The following GAB2 variants were observed in gnomAD, a reference collection of about 807,000 sequenced individuals.
The protein encoded by GAB2 is GRB2-associated-binding protein 2.
A neutral mutation model predicts 65.5 loss-of-function variants in GAB2; 26 were observed. The ratio of observed to expected loss-of-function variants is 0.40; its 90% CI spans 0.29 to 0.55. The LOEUF (loss-of-function observed/expected upper bound fraction) is 0.55, where lower values mean the gene tolerates loss of function less well. Ranked by LOEUF, GAB2 falls within the 20% of genes least tolerant of loss-of-function variation. The pLI is 0.53. For synonymous variants in GAB2, 321 were observed against 329.6 expected (o/e 0.97, Z 0.28); for missense variants, 884 against 875.8 (o/e 1.01, Z -0.12).
intron 1 of GAB2, among the ~76,000 whole-genome samples, chr11:78,332,943 T>C (rs1482701720): frequency 6.6e-6 from 1 of 152,154 alleles, no homozygotes; most frequent in East Asian, 1.9e-4. Flanking sequence ...GAGCCTAATT[T>C]TGCCAAATAT....
At chr11:78,389,438 CTGGG>C (rs1856806889) in intron 1 of GAB2, among the ~76,000 whole-genome samples, 1 of 152,018 alleles carries the variant, frequency 6.6e-6, no homozygotes, top group Non-Finnish European at 1.5e-5. Flanking sequence ...TCCCAAGTAG[CTGGG>C]ATTACAGGCA....
intron 1 of GAB2, among the ~76,000 whole-genome samples, chr11:78,332,773 G>T (rs546168736): frequency 1.3e-5 from 2 of 152,208 alleles, no homozygotes; most frequent in Non-Finnish European, 2.9e-5. Context: ...TAACTATTAA[G>T]AAGTGTTGTT....
chr11:78,354,904 T>C (rs192156785), intron 1 of GAB2, among the ~76,000 whole-genome samples: 3 of 152,324 alleles, frequency 2.0e-5, no homozygotes, highest in African/African-American at 7.2e-5. Flanking sequence ...TATACCATAA[T>C]GGAACACATG....
chr11:78,267,897 G>A lies in GAB2; in HGVS notation c.376+12704C>T, dbSNP rs1865911259. ...AAAAAAAAAAGAGTCTCTGAATAAA[G>A]GGAAGTCTTAAAATCTGATTACATT... On this transcript the variant is annotated intron_variant, in intron 2 of 9. Transcript: ENST00000361507. Among the ~76,000 whole-genome samples the A allele has an allele frequency of 8.2e-5, 11 of 133,526 alleles. 1 individual carries two copies. The South Asian group carries it at 2.9e-3, about 36-fold the overall frequency. 87.6% of individuals were successfully genotyped at this position (133,526 alleles called of 152,430 possible).
At chr11:78,317,140 G>C (rs1028104586) in intron 1 of GAB2, among the ~76,000 whole-genome samples, 4 of 152,196 alleles carry the variant, frequency 2.6e-5, no homozygotes, top group Non-Finnish European at 5.9e-5. Context: ...GCCACCGGAG[G>C]AATAGGGCAT....
chr11:78,304,575 C>A (rs1284417868), intron 1 of GAB2, among the ~76,000 whole-genome samples: 1 of 152,178 alleles, frequency 6.6e-6, no homozygotes, highest in Admixed American at 6.5e-5. Flanking sequence ...CTTAACCAGG[C>A]TCCTTATTGC....
At chr11:78,251,727 A>T (rs536775602) in intron 2 of GAB2, among the ~76,000 whole-genome samples, 1 of 149,772 alleles carries the variant, frequency 6.7e-6, no homozygotes, top group South Asian at 2.2e-4. Flanking sequence ...TTCTCTCCCA[A>T]ATCTTCCTGG....
At position 78,244,869 on chromosome 11, in the gene GAB2, C is replaced by T. The variant is rs185578223; in HGVS notation, c.620+5288G>A. On this transcript the variant is annotated intron_variant, in intron 3 of 9. Transcript: ENST00000361507. ...AAATTAGTACAGTCGTTATGGAAAA[C>T]AGTATGAAAGTTCCTCAAAAAACTA... Among the ~76,000 whole-genome samples, 7 of 152,192 alleles carry T rather than the reference C, an allele frequency of 4.6e-5. No homozygotes were observed. The East Asian group carries it at 1.4e-3, about 29-fold the overall frequency.
chr11:78,341,192 C>T (rs10899478), intron 1 of GAB2, among the ~76,000 whole-genome samples: 37,202 of 152,024 alleles, frequency 0.24, 5,041 homozygotes, highest in East Asian at 0.41. Context: ...AAAGGAAGCA[C>T]ATGCTTTTAT....
At chr11:78,271,175 C>T (rs976179242) in intron 2 of GAB2, among the ~76,000 whole-genome samples, 6 of 152,202 alleles carry the variant, frequency 3.9e-5, no homozygotes, top group African/African-American at 7.2e-5. Context: ...GTGTGTAGTA[C>T]ATCTGGTCAG....
At chr11:78,282,169 G>C (rs1866352981) in intron 1 of GAB2, among the ~76,000 whole-genome samples, 1 of 152,182 alleles carries the variant, frequency 6.6e-6, no homozygotes, top group Admixed American at 6.5e-5. Context: ...TTGAACACGT[G>C]ATTACATATT....
chr11:78,235,067 T>C (rs887128070), intron 3 of GAB2, among the ~76,000 whole-genome samples: 1 of 152,134 alleles, frequency 6.6e-6, no homozygotes. Context: ...TGGAGACATT[T>C]TCCCCATGGT....
Position 78,216,233 on chromosome 11 carries a change from G to A in GAB2, c.*3039C>T, listed in dbSNP as rs1381006743. 1.3e-5 allele frequency: 2 copies of A among 152,412 alleles called. No individual in the cohort carries two copies. The highest frequency in any genetic ancestry group is 2.9e-5 in the Non-Finnish European group (2 of 68,132). The allele number at this position is 152,412 out of a possible 1,614,324, so 9.4% of individuals were successfully genotyped here. On this transcript the variant is annotated 3_prime_UTR_variant, in exon 10 of 10. Coordinates refer to ENST00000361507, the MANE Select transcript of GAB2 (RefSeq NM_080491.3). ...CGTTCTCACTTGACTTAACCTTGCA[G>A]AAGTGGAGCTGGAAGTGGGTGAAGA...
intron 1 of GAB2, among the ~76,000 whole-genome samples, chr11:78,367,764 T>C (rs1334971879): frequency 6.6e-6 from 1 of 152,098 alleles, no homozygotes; most frequent in African/African-American, 2.4e-5. Context: ...TGAGAGCATT[T>C]AGCCTGAGCT....
intron 1 of GAB2, among the ~76,000 whole-genome samples, chr11:78,284,267 T>C (rs1020174952): frequency 1.9e-4 from 29 of 152,250 alleles, no homozygotes; most frequent in African/African-American, 6.8e-4. Context: ...TCACCTGGTC[T>C]AGTCCACCAT....
chr11:78,223,157 T>A (rs536326604), intron 6 of GAB2, among the ~76,000 whole-genome samples: 32 of 152,312 alleles, frequency 2.1e-4, no homozygotes, highest in African/African-American at 6.7e-4. Flanking sequence ...CTGGTCTACA[T>A]GCAGGGGGCA....
intron 1 of GAB2, among the ~76,000 whole-genome samples, chr11:78,300,522 A>AAC (rs1367767902): frequency 6.9e-6 from 1 of 144,584 alleles, no homozygotes; most frequent in Admixed American, 7.0e-5. Context: ...TTTATAAAAA[A>AAC]ACAAAAAAAC....
At chr11:78,284,407 G>A (rs61881815) in intron 1 of GAB2, among the ~76,000 whole-genome samples, 95 of 152,332 alleles carry the variant, frequency 6.2e-4, no homozygotes, top group East Asian at 2.1e-3. Context: ...ATCTCACTCA[G>A]AGTAAAGCCA....
chr11:78,227,791 C>T (rs1254546368), intron 3 of GAB2, among the ~76,000 whole-genome samples: 2 of 152,042 alleles, frequency 1.3e-5, no homozygotes, highest in African/African-American at 4.8e-5. Context: ...CAGAATGAGA[C>T]CCTGTTTCAA....
Sources: allele counts gnomAD v4.1 joint callset (sites outside exome capture counted in the v4.1 genomes callset), GRCh38; gene constraint gnomAD v4.1.1; transcripts MANE v1.5; gene names NCBI Gene and HGNC (gene_info 2026-07-23, HGNC 2026-07-21).